Variants in NPAS4 observed in about 807,000 individuals in gnomAD.
The protein encoded by NPAS4 is neuronal PAS domain protein 4, also known as neuronal PAS domain-containing protein 4.
NPAS4 carries 10 observed loss-of-function variants against 64.0 expected under a neutral mutation model. The observed-to-expected ratio is 0.16, with a 90% CI of 0.10 to 0.26. The LOEUF is 0.26. NPAS4 is among the 10% of genes least tolerant of loss of function. The pLI, the probability that NPAS4 is intolerant of heterozygous loss-of-function variation, is 1.00. For synonymous variants in NPAS4, 441 were observed against 411.7 expected, an observed-to-expected ratio of 1.07 and a Z score of -0.86; for missense variants, 886 against 992.6, an observed-to-expected ratio of 0.89 and a Z score of 1.44.
intron 1 of NPAS4, among the ~76,000 whole-genome samples, chr11:66,421,697 A>AG (rs1309181030): frequency 1.3e-5 from 2 of 152,206 alleles, no homozygotes; most frequent in East Asian, 1.9e-4. Context: ...GCCTGAGCCT[A>AG]GGGGAACATA....
the NPAS4 span, among the ~76,000 whole-genome samples, chr11:66,411,388 C>A: frequency 6.6e-6 from 1 of 152,158 alleles, no homozygotes; most frequent in Non-Finnish European, 1.5e-5. Flanking sequence ...CAGAACACGC[C>A]CAGCAGGCTA....
chr11:66,425,652 C>G (rs1856829343), intron 7 of NPAS4, among the ~76,000 whole-genome samples: 1 of 152,126 alleles, frequency 6.6e-6, no homozygotes, highest in Admixed American at 6.5e-5. Context: ...AGAGCTCTAT[C>G]CTAGTATCCT....
In NPAS4 at chr11:66,426,302, C is replaced by A. The variant is rs1475098687; in HGVS notation, c.*313C>A. The A allele has an allele frequency of 1.8e-5, 6 of 329,302 alleles. No homozygotes were observed. Among genetic ancestry groups the A allele is most frequent in the Non-Finnish European group, 2.9e-5 (5 of 173,204 alleles). The allele number at this position is 329,302 out of a possible 1,614,324, so 20.4% of individuals were successfully genotyped here. The stretch of plus-strand genomic sequence containing the variant: ...TTCCCCGCCGCCTTGCCCCATTGGC[C>A]TGGGCCAGTTCTCCACTCCTAGGGG... On this transcript the variant is annotated 3_prime_UTR_variant, in exon 8 of 8. Transcript: ENST00000311034.
upstream of NPAS4, among the ~76,000 whole-genome samples, chr11:66,420,840 C>A (rs1257762719): frequency 1.3e-5 from 2 of 152,180 alleles, no homozygotes; most frequent in African/African-American, 4.8e-5. Flanking sequence ...CCCCCTCGCC[C>A]GCCTCCCTCC....
rs748691899 is a variant in NPAS4, at chr11:66,422,103, G to A, written c.176-17G>A. The A allele has an allele frequency of 1.2e-5, 19 of 1,611,660 alleles. No individual in the cohort carries two copies. The highest frequency in any genetic ancestry group is 5.0e-5 in the Admixed American group (3 of 59,990). ...CCCAGTCTTACTCCTGACGCACTAC[G>A]TCTTCTCGCCCTACAGGCACTCCTC... On this transcript the variant is annotated splice_polypyrimidine_tract_variant and intron_variant, in intron 1 of 7. Coordinates refer to ENST00000311034, the MANE Select transcript of NPAS4 (RefSeq NM_178864.4).
chr11:66,423,490 T>C, intron 5 of NPAS4, 88 bp from the exon 6 acceptor site: 1 of 1,500,488 alleles, frequency 6.7e-7, no homozygotes, highest in Non-Finnish European at 9.2e-7. Flanking sequence ...GTCACGGCTA[T>C]CTCAATTCAG....
At chr11:66,417,461 G>A (rs1405579251), upstream of NPAS4, among the ~76,000 whole-genome samples, 2 of 152,152 alleles carry the variant, frequency 1.3e-5, no homozygotes, top group Admixed American at 6.5e-5. Context: ...AAAAGGGAGA[G>A]GTCATGTGGG....
chr11:66,421,137 C>T lies in NPAS4; in HGVS notation c.-43C>T. The T allele has an allele frequency of 1.3e-6, 2 of 1,543,802 alleles. No individual in the cohort carries two copies. Among genetic ancestry groups the T allele is most frequent in the Non-Finnish European group, 8.8e-7 (1 of 1,139,512 alleles). On this transcript the variant is annotated 5_prime_UTR_variant, in exon 1 of 8. Coordinates refer to ENST00000311034, the MANE Select transcript of NPAS4 (RefSeq NM_178864.4). Reference sequence around the variant, plus strand: ...CCGCCGGTGCGTCGGGACGGGAGCGCAGGTGCTCGGGCACCCGAGCTGGAG... The same window carrying T: ...CCGCCGGTGCGTCGGGACGGGAGCGTAGGTGCTCGGGCACCCGAGCTGGAG...
chr11:66,423,542 G>A, intron 5 of NPAS4, 36 bp from the exon 6 acceptor site: 8 of 1,612,276 alleles, frequency 5.0e-6, no homozygotes, highest in Non-Finnish European at 6.8e-6. Flanking sequence ...GAATTGCCTG[G>A]TGGACATCCT....
rs1190254753 is a variant in NPAS4, at chr11:66,426,292, C to T, written c.*303C>T. 8.5e-6 allele frequency: 3 copies of T among 351,732 alleles called. No individual in the cohort carries two copies. The highest frequency in any genetic ancestry group is 9.0e-4 in the Middle Eastern group (1 of 1,112). The allele number at this position is 351,732 out of a possible 1,614,324, so 21.8% of individuals were successfully genotyped here. On this transcript the variant is annotated 3_prime_UTR_variant, in exon 8 of 8. Transcript: ENST00000311034. ...GGAGTCTCACTTCCCCGCCGCCTTGCCCCATTGGCCTGGGCCAGTTCTCCA... is the reference window on the plus strand; with the variant it reads ...GGAGTCTCACTTCCCCGCCGCCTTGTCCCATTGGCCTGGGCCAGTTCTCCA...
chr11:66,422,132 C>T lies in NPAS4; in HGVS notation c.188C>T (p.Ala63Val). ...TCTCGCCCTACAGGCACTCCTCTGGCGGGCCCCACGGGGCTTCTCTCAGCT... is the reference window on the plus strand; with the variant it reads ...TCTCGCCCTACAGGCACTCCTCTGGTGGGCCCCACGGGGCTTCTCTCAGCT... The part of the protein sequence containing the change: ...GVFFAGGTPL[A>V]GPTGLLSAQE... Residue 63 changes from alanine (A) to valine (V), a missense_variant, in exon 2 of 8, where the codon GCG becomes GTG. By Grantham distance (64) the Ala-to-Val change is moderately conservative. Around this residue, in one of 3 missense-constraint regions of NPAS4, gnomAD observed 820 missense variants for 855.5 expected, o/e 0.96. Coordinates refer to ENST00000311034, the MANE Select transcript of NPAS4 (RefSeq NM_178864.4). The T allele has an allele frequency of 1.9e-6, 3 of 1,613,846 alleles. No individual in the cohort carries two copies. Among genetic ancestry groups the T allele is most frequent in the African/African-American group, 1.3e-5 (1 of 75,066 alleles).
At chr11:66,418,611 C>A (rs1308828897), upstream of NPAS4, among the ~76,000 whole-genome samples, 1 of 152,080 alleles carries the variant, frequency 6.6e-6, no homozygotes, top group South Asian at 2.1e-4. Context: ...CTTTCTAGAC[C>A]CTTCTTCCCT....
In NPAS4 at chr11:66,424,604, G is replaced by A. The variant is rs749596623; in HGVS notation, c.1714G>A (p.Glu572Lys). ...CCAGGAGGGATGCAGTTTTCTCTAT[G>A]AGAAGTTGCCCCCAAGTCCTAGCAG... is the stretch of plus-strand genomic sequence containing the variant. ...FAQEGCSFLY[E>K]KLPPSPSSPG... Residue 572 changes from glutamate (E) to lysine (K), a missense_variant, in exon 7 of 8, where the codon GAG (glutamate) becomes AAG (lysine). Transcript: ENST00000311034. 3.1e-6 allele frequency: 5 copies of A among 1,614,152 alleles called. No individual in the cohort carries two copies. The highest frequency in any genetic ancestry group is 2.5e-6 in the Non-Finnish European group (3 of 1,180,020).
At chr11:66,420,539 G>T (rs1856725085), upstream of NPAS4, among the ~76,000 whole-genome samples, 1 of 152,212 alleles carries the variant, frequency 6.6e-6, no homozygotes, top group South Asian at 2.1e-4. Context: ...CTCCTTCCCT[G>T]CATGTGAACG....
chr11:66,414,160 G>A, the NPAS4 span, among the ~76,000 whole-genome samples: 9 of 152,264 alleles, frequency 5.9e-5, no homozygotes, highest in South Asian at 4.1e-4. Context: ...GGGGGTCCCC[G>A]GACCTCACTG....
At chr11:66,415,259 C>A in the NPAS4 span, among the ~76,000 whole-genome samples, 1 of 152,276 alleles carries the variant, frequency 6.6e-6, no homozygotes, top group South Asian at 2.1e-4. Context: ...AATAAGGAGC[C>A]TGACCCATTG....
the NPAS4 span, chr11:66,409,240 G>T: frequency 6.8e-6 from 1 of 146,516 alleles, no homozygotes; most frequent in Non-Finnish European, 1.5e-5. Context: ...CCGGGCCGGG[G>T]AGTCCCCGGC....
upstream of NPAS4, among the ~76,000 whole-genome samples, chr11:66,418,597 G>A (rs1311662718): frequency 6.6e-6 from 1 of 152,056 alleles, no homozygotes; most frequent in African/African-American, 2.4e-5. Flanking sequence ...CCCCTCCCTT[G>A]TCCCTTTCTA....
Position 66,424,036 on chromosome 11 carries a change from T to G in NPAS4, c.1146T>G (p.Ser382Arg). Residue 382 changes from serine to arginine, a missense_variant, in exon 7 of 8, where the codon AGT becomes AGG. By Grantham distance (110) the Ser-to-Arg change is moderately radical. Coordinates refer to ENST00000311034, the MANE Select transcript of NPAS4 (RefSeq NM_178864.4). ...STSFPSAPEL[S>R]VVSASEELPR... is the part of the protein sequence containing the mutation. ...GCTTCCCCAGTGCTCCTGAACTGAGTGTTGTCTCTGCATCAGAAGAGCTTC... is the reference window on the plus strand; with the variant it reads ...GCTTCCCCAGTGCTCCTGAACTGAGGGTTGTCTCTGCATCAGAAGAGCTTC... The G allele has an allele frequency of 1.9e-6, 3 of 1,614,014 alleles. No homozygotes were observed. The highest frequency in any genetic ancestry group is 2.5e-6 in the Non-Finnish European group (3 of 1,179,980).
Sources: gnomAD v4.1 joint callset for allele counts (sites outside exome capture counted in the v4.1 genomes callset) on GRCh38, gnomAD v4.1.1 for gene constraint, gnomAD v4.1.1 regional missense constraint, MANE v1.5 for transcripts, NCBI Gene and HGNC (gene_info 2026-07-23, HGNC 2026-07-21) for gene names.